Variants in CNTNAP2 observed in about 807,000 individuals in gnomAD.
The protein encoded by CNTNAP2 is contactin-associated protein-like 2.
A neutral mutation model predicts 155.2 loss-of-function variants in CNTNAP2; 98 were observed. The observed-to-expected ratio is 0.63, with a 90% CI of 0.54 to 0.75. CNTNAP2 has a LOEUF of 0.75. Among genes scored for constraint, CNTNAP2 ranks in the 30% least tolerant of loss-of-function variants. The probability of loss-of-function intolerance (pLI) is 0.00; values close to 1 mark genes in which losing one functional copy is unlikely to be tolerated. For missense variants in CNTNAP2, 1,727 were observed against 1,688.1 expected (o/e 1.02, Z -0.40); for synonymous variants, 651 against 631.2 (o/e 1.03, Z -0.47).
chr7:146,632,070 T>C (rs1247449679), intron 1 of CNTNAP2, among the ~76,000 whole-genome samples: 3 of 152,198 alleles, frequency 2.0e-5, no homozygotes, highest in African/African-American at 7.2e-5. Flanking sequence ...TAGTCTGGGC[T>C]TTGGTCTCAC....
intron 13 of CNTNAP2, among the ~76,000 whole-genome samples, chr7:147,790,540 A>G (rs851701): frequency 0.053 from 8,061 of 152,246 alleles, 641 homozygotes; most frequent in African/African-American, 0.18. Context: ...ACGCTACTCT[A>G]TCCCCAAAAC....
chr7:147,500,069 G>A (rs1273758809), intron 11 of CNTNAP2, among the ~76,000 whole-genome samples: 1 of 149,410 alleles, frequency 6.7e-6, no homozygotes, highest in Non-Finnish European at 1.5e-5. Flanking sequence ...TTTTTTCCAT[G>A]TAAAACCAGA....
At chr7:147,372,443 T>C (rs1257136106) in intron 9 of CNTNAP2, among the ~76,000 whole-genome samples, 2 of 152,144 alleles carry the variant, frequency 1.3e-5, no homozygotes, top group Non-Finnish European at 2.9e-5. Context: ...GCTCCTATCA[T>C]TGCTTTCCTA....
intron 1 of CNTNAP2, among the ~76,000 whole-genome samples, chr7:146,408,857 A>G (rs1008809965): frequency 6.6e-6 from 1 of 152,156 alleles, no homozygotes; most frequent in Admixed American, 6.5e-5. Flanking sequence ...ATATTAAAAA[A>G]AAAAGAATCA....
At chr7:147,349,421 A>G (rs951019090) in intron 9 of CNTNAP2, among the ~76,000 whole-genome samples, 1 of 151,932 alleles carries the variant, frequency 6.6e-6, no homozygotes, top group Non-Finnish European at 1.5e-5. Flanking sequence ...AAGTTAAACA[A>G]TATTTTTCCT....
chr7:147,905,955 G>T (rs1175841829), intron 14 of CNTNAP2, among the ~76,000 whole-genome samples: 2 of 151,948 alleles, frequency 1.3e-5, no homozygotes, highest in East Asian at 3.9e-4. Flanking sequence ...CTAACTGGAG[G>T]AGTGAAGGAA....
At chr7:147,171,264 T>C (rs747390413) in intron 8 of CNTNAP2, among the ~76,000 whole-genome samples, 11 of 152,214 alleles carry the variant, frequency 7.2e-5, no homozygotes, top group Non-Finnish European at 1.5e-4. Context: ...TGCTTCAGCC[T>C]TAGCATCTGC....
intron 13 of CNTNAP2, among the ~76,000 whole-genome samples, chr7:147,815,041 G>T (rs554030786): frequency 1.6e-4 from 24 of 152,228 alleles, no homozygotes; most frequent in East Asian, 1.2e-3. Flanking sequence ...GGAGAGAGTG[G>T]TTCCTCATAT....
At chr7:147,684,732 T>C (rs554950951) in intron 13 of CNTNAP2, among the ~76,000 whole-genome samples, 2 of 151,976 alleles carry the variant, frequency 1.3e-5, no homozygotes, top group Non-Finnish European at 2.9e-5. Context: ...TTCTATATAA[T>C]CTAGCATTCT....
chr7:147,597,948 A>C (rs571965609), intron 12 of CNTNAP2, among the ~76,000 whole-genome samples: 1 of 152,182 alleles, frequency 6.6e-6, no homozygotes. Context: ...AGTACTTTCA[A>C]TCCTGGCATT....
At chr7:146,125,764 A>ATTGATTCCAAAGACAGGGATGC (rs755701403) in intron 1 of CNTNAP2, among the ~76,000 whole-genome samples, 2 of 152,074 alleles carry the variant, frequency 1.3e-5, no homozygotes, top group Non-Finnish European at 2.9e-5. Context: ...TTTTTGTGGA[A>ATTGATTCCAAAGACAGGGATGC]TTGATTCCAA....
chr7:147,372,677 C>A (rs888108347), intron 9 of CNTNAP2, among the ~76,000 whole-genome samples: 5 of 152,058 alleles, frequency 3.3e-5, no homozygotes, highest in African/African-American at 9.7e-5. Context: ...TACTAAGAGA[C>A]CTTGTCTCCC....
rs900085835 is a variant in CNTNAP2 at position 146,390,205 on chromosome 7, T to C, written c.97+273232T>C. ...AAATATTTTGCTCTTCGTAAATATG[T>C]AAATACAAAAGTAAATATTACTTTG... On this transcript the variant is annotated intron_variant, in intron 1 of 23. Coordinates refer to ENST00000361727, the MANE Select transcript of CNTNAP2 (RefSeq NM_014141.6). 2.9e-4 allele frequency among the ~76,000 whole-genome samples: 44 copies of C among 152,206 alleles called. 1 individual carries two copies. The highest frequency in any genetic ancestry group is 5.9e-4 in the Non-Finnish European group (40 of 68,034).
intron 21 of CNTNAP2, among the ~76,000 whole-genome samples, chr7:148,316,158 T>G (rs565567814): frequency 6.6e-6 from 1 of 151,972 alleles, no homozygotes; most frequent in African/African-American, 2.4e-5. Context: ...AGGTTAACAA[T>G]CTACATAGAG....
At position 148,383,689 on chromosome 7, in the gene CNTNAP2, C is replaced by G; in HGVS notation, c.3516C>G (p.Thr1172=). 6.2e-7 allele frequency: 1 copy of G among 1,614,092 alleles called. No homozygotes were observed. The highest frequency in any genetic ancestry group is 8.5e-7 in the Non-Finnish European group (1 of 1,180,024). ...ACCAAGAGATTCACAAATACAACAC[C>G]CCAGGATTCACTGGTTGCCTCTCCA... ...KIDQEIHKYN[T]PGFTGCLSRV... The change falls in exon 22 of 24, where the codon ACC becomes ACG. Residue 1172 remains threonine, a synonymous_variant. Transcript: ENST00000361727.
chr7:147,903,499 TA>T, intron 13 of CNTNAP2, 65 bp from the exon 14 acceptor site: 1 of 1,541,138 alleles, frequency 6.5e-7, no homozygotes, highest in Non-Finnish European at 9.0e-7. Context: ...GAAGTGGGTG[TA>T]AGTGTGGCAG....
At chr7:147,190,831 G>A (rs532980235) in intron 8 of CNTNAP2, among the ~76,000 whole-genome samples, 1 of 152,256 alleles carries the variant, frequency 6.6e-6, no homozygotes, top group African/African-American at 2.4e-5. Context: ...CTTACATAAA[G>A]TGCTTTGTGA....
chr7:146,700,213 T>G (rs1800852141), intron 1 of CNTNAP2, among the ~76,000 whole-genome samples: 1 of 152,120 alleles, frequency 6.6e-6, no homozygotes, highest in Non-Finnish European at 1.5e-5. Flanking sequence ...GTTTTCTGGT[T>G]GTTGGATCTA....
chr7:147,556,208 TA>T (rs1324153893), intron 11 of CNTNAP2, among the ~76,000 whole-genome samples: 1 of 152,208 alleles, frequency 6.6e-6, no homozygotes, highest in Non-Finnish European at 1.5e-5. Context: ...TTCTGCTTAA[TA>T]TACCTTGTGT....
Sources: allele counts gnomAD v4.1 joint callset (sites outside exome capture counted in the v4.1 genomes callset), GRCh38; gene constraint gnomAD v4.1.1; transcripts MANE v1.5; gene names NCBI Gene and HGNC (gene_info 2026-07-23, HGNC 2026-07-21).